The following CPNE4 variants were observed in gnomAD, a reference collection of about 807,000 sequenced individuals.
The protein encoded by CPNE4 is copine 4.
A neutral mutation model predicts 67.9 loss-of-function variants in CPNE4; 25 were observed. That is an observed-to-expected ratio of 0.37 (90% CI 0.27 to 0.51). CPNE4 has a LOEUF of 0.51. Among genes scored for constraint, CPNE4 ranks in the 20% least tolerant of loss-of-function variants. The pLI is 0.93. For missense variants in CPNE4, 464 were observed against 690.8 expected, an observed-to-expected ratio of 0.67 and a Z score of 3.68; for synonymous variants, 242 against 244.9, an observed-to-expected ratio of 0.99 and a Z score of 0.11.
At chr3:131,684,754 A>C (rs1013123229) in intron 6 of CPNE4, among the ~76,000 whole-genome samples, 1 of 152,238 alleles carries the variant, frequency 6.6e-6, no homozygotes, top group Non-Finnish European at 1.5e-5. Context: ...CAGCACAAGA[A>C]TATCACTTCC....
chr3:131,988,112 T>C (rs1020516308), intron 1 of CPNE4, among the ~76,000 whole-genome samples: 12 of 152,096 alleles, frequency 7.9e-5, no homozygotes, highest in African/African-American at 2.9e-4. Flanking sequence ...TTGTTCCCCT[T>C]CCCCCAGGAT....
At chr3:131,950,268 CTG>C (rs1470644987) in intron 1 of CPNE4, among the ~76,000 whole-genome samples, 1 of 152,224 alleles carries the variant, frequency 6.6e-6, no homozygotes, top group Admixed American at 6.5e-5. Context: ...AGCCACTTAA[CTG>C]TAACTCATGC....
chr3:131,687,907 AT>A (rs982009012), intron 5 of CPNE4, among the ~76,000 whole-genome samples: 3 of 152,174 alleles, frequency 2.0e-5, no homozygotes, highest in Admixed American at 6.5e-5. Flanking sequence ...GAGCTGATGA[AT>A]TTTTCACAGA....
chr3:131,768,137 A>G (rs1028853925), intron 2 of CPNE4, among the ~76,000 whole-genome samples: 3 of 152,068 alleles, frequency 2.0e-5, no homozygotes, highest in South Asian at 2.1e-4. Flanking sequence ...TGTTCCCACC[A>G]TTTCTGCAGA....
intron 1 of CPNE4, among the ~76,000 whole-genome samples, chr3:131,913,705 T>G (rs957994986): frequency 2.0e-5 from 3 of 152,214 alleles, no homozygotes; most frequent in Admixed American, 6.5e-5. Flanking sequence ...TTCTGCCTTA[T>G]GCCTCCTTGG....
intron 2 of CPNE4, among the ~76,000 whole-genome samples, chr3:131,726,670 C>T (rs1011528824): frequency 7.7e-5 from 10 of 129,962 alleles, no homozygotes; most frequent in African/African-American, 3.0e-4. Flanking sequence ...CAGTTTTTCC[C>T]AAAAGATCAT....
chr3:131,533,598 C>T lies in CPNE4; in HGVS notation c.*1597G>A, dbSNP rs1443450893. 1 of 152,164 alleles carries T rather than the reference C, an allele frequency of 6.6e-6. No homozygotes were observed. Among genetic ancestry groups the T allele is most frequent in the Non-Finnish European group, 1.5e-5 (1 of 68,032 alleles). 9.4% of individuals were successfully genotyped at this position (152,164 alleles called of 1,614,324 possible). On this transcript the variant is annotated 3_prime_UTR_variant, in exon 16 of 16. Transcript: ENST00000429747. ...GTAAGTACCCAATTTATTAATAAAA[C>T]AATATAGCTTAAATATTTATGATTT...
At chr3:131,606,823 T>A (rs1350471506) in intron 7 of CPNE4, among the ~76,000 whole-genome samples, 2 of 152,110 alleles carry the variant, frequency 1.3e-5, no homozygotes, top group African/African-American at 4.8e-5. Context: ...TTTAAGATAA[T>A]ACAATATTTC....
In CPNE4 at chr3:131,597,191, TTA is replaced by T. The variant is rs746614534; in HGVS notation, c.682-9611_682-9610del. Among the ~76,000 whole-genome samples the T allele has an allele frequency of 3.9e-5, 6 of 152,160 alleles. No individual in the cohort carries two copies. In the South Asian group the frequency reaches 6.2e-4, roughly 16 times the overall value. On this transcript the variant is annotated intron_variant, in intron 7 of 15. Transcript: ENST00000429747. ...CAGAGGGGTTAACCAACTACTGCTG[TTA>T]TAGAATATCCAAGATCAGAAAACCA...
At chr3:131,872,247 A>G (rs909822821) in intron 2 of CPNE4, among the ~76,000 whole-genome samples, 3 of 152,090 alleles carry the variant, frequency 2.0e-5, no homozygotes, top group Non-Finnish European at 2.9e-5. Flanking sequence ...GAGATTTATT[A>G]TAAGGAATTA....
At chr3:131,581,714 C>A (rs1423821536) in intron 8 of CPNE4, 49 bp from the exon 9 acceptor site, 1 of 1,371,644 alleles carries the variant, frequency 7.3e-7, no homozygotes, top group Non-Finnish European at 1.0e-6. Context: ...AAAGCTGAGT[C>A]TTTCAATAAG....
chr3:131,696,980 A>G (rs967837621), intron 4 of CPNE4, among the ~76,000 whole-genome samples: 3 of 152,210 alleles, frequency 2.0e-5, no homozygotes, highest in Non-Finnish European at 4.4e-5. Flanking sequence ...AATTACAGAG[A>G]AGGAAAAACA....
intron 1 of CPNE4, among the ~76,000 whole-genome samples, chr3:132,021,256 G>C (rs16838321): frequency 0.19 from 28,581 of 152,120 alleles, 3,479 homozygotes; most frequent in East Asian, 0.39. Flanking sequence ...CACACCATAA[G>C]TCATTCATCT....
At position 131,542,704 on chromosome 3, in the gene CPNE4, G is replaced by A; in HGVS notation, c.1392C>T (p.Pro464=). The A allele has an allele frequency of 1.2e-6, 2 of 1,613,940 alleles. No individual in the cohort carries two copies. The highest frequency in any genetic ancestry group is 1.7e-6 in the Non-Finnish European group (2 of 1,179,848). Residue 464 remains proline (P), a synonymous_variant, in exon 15 of 16, where the codon CCC becomes CCT. Coordinates refer to ENST00000429747, the MANE Select transcript of CPNE4 (RefSeq NM_130808.3). ...REAIVHASHL[P]MSVIIVGVGN... ...CTACTCCCACGATGATGACTGACAT[G>A]GGGAGGTGGGAGGCATGGACAATGG...
At chr3:131,660,033 A>G (rs1283807129) in intron 7 of CPNE4, among the ~76,000 whole-genome samples, 1 of 152,200 alleles carries the variant, frequency 6.6e-6, no homozygotes, top group East Asian at 1.9e-4. Context: ...GCTCTGTGGC[A>G]TTAAGTATAT....
intron 2 of CPNE4, among the ~76,000 whole-genome samples, chr3:131,895,839 T>C (rs1280382035): frequency 2.0e-5 from 3 of 152,208 alleles, no homozygotes; most frequent in East Asian, 1.9e-4. Context: ...GTGAATCAGA[T>C]TGGAGAAGCT....
At chr3:132,037,600 C>T, upstream of CPNE4, 1 of 1,536,010 alleles carries the variant, frequency 6.5e-7, no homozygotes, top group South Asian at 1.2e-5. Flanking sequence ...CTGCTGGGTT[C>T]TACAGCCATG....
At position 131,820,728 on chromosome 3, in the gene CPNE4, AAC is replaced by A. The variant is rs1280610454; in HGVS notation, c.180+84534_180+84535del. On this transcript the variant is annotated intron_variant, in intron 2 of 15. Coordinates refer to ENST00000429747, the MANE Select transcript of CPNE4 (RefSeq NM_130808.3). ...TATTTTGTTAAGTTCTGATCCCAGAAACACACACTCATCTCTTTTAAATTTCT... is the reference window on the plus strand; with the variant it reads ...TATTTTGTTAAGTTCTGATCCCAGAAACACACTCATCTCTTTTAAATTTCT... Among the ~76,000 whole-genome samples, 9 of 152,364 alleles carry A rather than the reference AAC, an allele frequency of 5.9e-5. No individual in the cohort carries two copies. The East Asian group carries it at 1.7e-3, about 29-fold the overall frequency.
At chr3:131,752,327 A>T (rs768176171) in intron 2 of CPNE4, among the ~76,000 whole-genome samples, 6 of 152,064 alleles carry the variant, frequency 3.9e-5, no homozygotes, top group Non-Finnish European at 5.9e-5. Flanking sequence ...TGGCTAGAGT[A>T]ATTATTGTCT....
Sources: allele counts gnomAD v4.1 joint callset (sites outside exome capture counted in the v4.1 genomes callset), GRCh38; gene constraint gnomAD v4.1.1; transcripts MANE v1.5; gene names NCBI Gene and HGNC (gene_info 2026-07-23, HGNC 2026-07-21).